CLSTN1: variants seen among roughly 807,000 people sequenced by gnomAD.
CLSTN1 encodes calsyntenin-1.
Under a neutral mutation model 108.3 loss-of-function variants are expected in CLSTN1, and 28 were observed. That is an observed-to-expected ratio of 0.26 (90% CI 0.19 to 0.35). The LOEUF is 0.35. Among genes scored for constraint, CLSTN1 ranks in the 10% least tolerant of loss-of-function variants. The pLI is 1.00. For synonymous variants in CLSTN1, 524 were observed against 534.9 expected, an observed-to-expected ratio of 0.98 and a Z score of 0.28; for missense variants, 1,157 against 1,302.6, an observed-to-expected ratio of 0.89 and a Z score of 1.72.
chr1:9,774,130 C>T (rs953363045), intron 1 of CLSTN1, among the ~76,000 whole-genome samples: 4 of 152,040 alleles, frequency 2.6e-5, no homozygotes, highest in Non-Finnish European at 5.9e-5. Flanking sequence ...ATTAAACCAC[C>T]GCACCCAGCT....
At chr1:9,812,923 G>A (rs1308207949) in intron 1 of CLSTN1, among the ~76,000 whole-genome samples, 1 of 151,918 alleles carries the variant, frequency 6.6e-6, no homozygotes, top group African/African-American at 2.4e-5. Flanking sequence ...TAGCACTCTG[G>A]GAGGCTGAGG....
intron 7 of CLSTN1, among the ~76,000 whole-genome samples, chr1:9,745,979 G>C (rs1335884273): frequency 6.6e-6 from 1 of 151,874 alleles, no homozygotes; most frequent in Non-Finnish European, 1.5e-5. Context: ...TGTTGTCCAA[G>C]CTAGTCTCCA....
rs923923456 is a variant in CLSTN1, at chr1:9,785,900, G to A, written c.92-12506C>T. Reference sequence around the variant, plus strand: ...TAAAATAAAAACACATTAAGGCCGGGCACGGTAGGTCATGCCTGTAATCCC... The same window carrying A: ...TAAAATAAAAACACATTAAGGCCGGACACGGTAGGTCATGCCTGTAATCCC... On this transcript the variant is annotated intron_variant, in intron 1 of 18. Transcript: ENST00000377298. Among the ~76,000 whole-genome samples the A allele has an allele frequency of 8.5e-5, 13 of 152,082 alleles. No homozygotes were observed. The East Asian group carries it at 9.6e-4, about 11-fold the overall frequency.
chr1:9,746,140 C>G (rs958791439), intron 7 of CLSTN1, among the ~76,000 whole-genome samples: 2 of 152,146 alleles, frequency 1.3e-5, no homozygotes, highest in African/African-American at 4.8e-5. Flanking sequence ...GAGGCTGTCC[C>G]TAACCTTTTC....
At chr1:9,784,831 T>C (rs546401254) in intron 1 of CLSTN1, among the ~76,000 whole-genome samples, 67 of 152,252 alleles carry the variant, frequency 4.4e-4, no homozygotes, top group African/African-American at 1.6e-3. Context: ...TTGTTAAAGA[T>C]GACATGGGTA....
At chr1:9,789,506 GA>G (rs754940583) in intron 1 of CLSTN1, among the ~76,000 whole-genome samples, 3 of 151,396 alleles carry the variant, frequency 2.0e-5, no homozygotes, top group African/African-American at 4.8e-5. Flanking sequence ...CCACTATAAT[GA>G]TCCACGCAGA....
intron 1 of CLSTN1, among the ~76,000 whole-genome samples, chr1:9,775,581 T>A (rs1053668764): frequency 3.3e-5 from 5 of 152,016 alleles, no homozygotes; most frequent in African/African-American, 1.2e-4. Flanking sequence ...ACACGCACAC[T>A]GGGGGCCCTG....
At chr1:9,750,140 G>C in intron 5 of CLSTN1, 1 of 468,252 alleles carries the variant, frequency 2.1e-6, no homozygotes, top group Non-Finnish European at 3.8e-6. Context: ...ACACAGCTCA[G>C]TCTCCACTTA....
Position 9,755,104 on chromosome 1 carries a change from GCTTA to G in CLSTN1, c.440+6_440+9del. 4 of 1,605,488 alleles carry G rather than the reference GCTTA, an allele frequency of 2.5e-6. No individual in the cohort carries two copies. Among genetic ancestry groups the G allele is most frequent in the Non-Finnish European group, 3.4e-6 (4 of 1,173,376 alleles). ...GTGGGTTATGTTCACTCTTTGTCCA[GCTTA>G]CTTACTTATGAGACTTTTTCACGTT... On this transcript the variant is annotated splice_donor_region_variant and intron_variant, in intron 4 of 18. Transcript: ENST00000377298.
chr1:9,749,863 T>C lies in CLSTN1; in HGVS notation c.700A>G (p.Lys234Glu), dbSNP rs1202257321. ...CAGTCATAGGCAGTGACGGTCAGCT[T>C]ATATTGATGTTCTTTCCCGTAGTTT... Reference protein sequence around the residue: ...KLNYGKEHQYKLTVTAYDCGK... With the variant: ...KLNYGKEHQYELTVTAYDCGK... Residue 234 changes from lysine (K) to glutamate (E), a missense_variant, in exon 6 of 19, where the codon AAG becomes GAG. Physicochemically the swap from Lys to Glu is moderately conservative, Grantham distance 56. Coordinates refer to ENST00000377298, the MANE Select transcript of CLSTN1 (RefSeq NM_001009566.3). 1 of 1,614,022 alleles carries C rather than the reference T, an allele frequency of 6.2e-7. No homozygotes were observed.
chr1:9,757,487 C>T (rs920470590), intron 2 of CLSTN1, among the ~76,000 whole-genome samples: 7 of 152,050 alleles, frequency 4.6e-5, no homozygotes, highest in South Asian at 4.1e-4. Flanking sequence ...ATGATCCACC[C>T]GCCTCGGCCT....
chr1:9,800,196 CAA>C (rs1654194845), intron 1 of CLSTN1, among the ~76,000 whole-genome samples: 1 of 151,668 alleles, frequency 6.6e-6, no homozygotes, highest in African/African-American at 2.4e-5. Flanking sequence ...AGATTAAATA[CAA>C]AGAGAGCAGA....
intron 1 of CLSTN1, among the ~76,000 whole-genome samples, chr1:9,788,626 G>A (rs1453474804): frequency 6.6e-6 from 1 of 151,156 alleles, no homozygotes; most frequent in Non-Finnish European, 1.5e-5. Context: ...CCAGCACTTT[G>A]GGAGGCCGAG....
At chr1:9,778,223 AACACACACACACACACAC>A (rs57372437) in intron 1 of CLSTN1, among the ~76,000 whole-genome samples, 14 of 134,502 alleles carry the variant, frequency 1.0e-4, no homozygotes, top group African/African-American at 2.5e-4. Flanking sequence ...TCTCCTCCCC[AACACACACACACACACAC>A]ACACACACAC....
At chr1:9,781,296 T>C (rs1280668193) in intron 1 of CLSTN1, 4 of 671,328 alleles carry the variant, frequency 6.0e-6, no homozygotes, top group Non-Finnish European at 1.1e-5. Context: ...ATTTAAAGAT[T>C]GCACTGTAGT....
chr1:9,750,719 A>AAAAAAAAAC (rs1651517550), intron 5 of CLSTN1, among the ~76,000 whole-genome samples: 4 of 150,352 alleles, frequency 2.7e-5, no homozygotes, highest in African/African-American at 9.9e-5. Context: ...CTCAAACAAA[A>AAAAAAAAAC]AAAAAAAAAA....
chr1:9,820,672 T>C (rs1655158810), intron 1 of CLSTN1, among the ~76,000 whole-genome samples: 1 of 152,204 alleles, frequency 6.6e-6, no homozygotes, highest in Admixed American at 6.5e-5. Flanking sequence ...CATTCATTCA[T>C]TCAATCACAC....
chr1:9,766,007 GGGC>G (rs1652312454), intron 2 of CLSTN1, among the ~76,000 whole-genome samples: 1 of 152,154 alleles, frequency 6.6e-6, no homozygotes, highest in African/African-American at 2.4e-5. Flanking sequence ...GCCACCCTCA[GGGC>G]ATGTGAATCA....
intron 1 of CLSTN1, among the ~76,000 whole-genome samples, chr1:9,816,537 A>T (rs1220385): frequency 0.84 from 119,482 of 141,852 alleles, 49,603 homozygotes; most frequent in Non-Finnish European, 0.91. Flanking sequence ...AAGCTGCTTT[A>T]AAAAAAAAAA....
Sources: allele counts gnomAD v4.1 joint callset (sites outside exome capture counted in the v4.1 genomes callset), GRCh38; gene constraint gnomAD v4.1.1; transcripts MANE v1.5; gene names NCBI Gene and HGNC (gene_info 2026-07-23, HGNC 2026-07-21).